GEMIN4: variants seen among roughly 807,000 people sequenced by gnomAD.
GEMIN4 encodes gem nuclear organelle associated protein 4.
Under a neutral mutation model 76.8 loss-of-function variants are expected in GEMIN4, and 59 were observed. That is an observed-to-expected ratio of 0.77 (90% CI 0.62 to 0.95). GEMIN4 has a LOEUF of 0.95. Among genes scored for constraint, GEMIN4 ranks in the 40% least tolerant of loss-of-function variants. The pLI is 0.00. For synonymous variants in GEMIN4, 562 were observed against 559.7 expected, an observed-to-expected ratio of 1.00 and a Z score of -0.06; for missense variants, 1,311 against 1,318.9, an observed-to-expected ratio of 0.99 and a Z score of 0.09.
upstream of GEMIN4, chr17:754,134 A>G (rs1904886966): frequency 6.6e-6 from 1 of 152,270 alleles, no homozygotes; most frequent in Admixed American, 6.5e-5. Flanking sequence ...TTCTGTACTT[A>G]ACCCTGGTTT....
At position 745,085 on chromosome 17, in the gene GEMIN4, A is replaced by G; in HGVS notation, c.2958T>C (p.Ala986=). 1 of 1,613,392 alleles carries G rather than the reference A, an allele frequency of 6.2e-7. No homozygotes were observed. The highest frequency in any genetic ancestry group is 8.5e-7 in the Non-Finnish European group (1 of 1,179,698). Residue 986 remains alanine (A), a synonymous_variant, in exon 2 of 2, where the codon GCT becomes GCC. Transcript: ENST00000319004. This position sits in a 1 kb window ranked among gnomAD's most constrained non-coding sequence, Gnocchi z 4.6. ...LFVYTQVFCH[A]LHIMAMLHPE... ...GGTGGAGCATGGCCATGATGTGCAG[A>G]GCATGGCAGAACACCTGGGTGTAAA...
Position 749,801 on chromosome 17 carries a change from T to C in GEMIN4, c.11-1769A>G, listed in dbSNP as rs114975855. 2.0e-3 allele frequency: 2,015 copies of C among 994,226 alleles called. 35 individuals are homozygous for C. In the African/African-American group the frequency reaches 0.032, roughly 16 times the overall value. 61.6% of individuals were successfully genotyped at this position (994,226 alleles called of 1,614,324 possible). On this transcript the variant is annotated intron_variant, in intron 1 of 1. Transcript: ENST00000319004. Reference sequence around the variant, plus strand: ...AATCAGACAAGCCCTGCCTTCACTCTTTATAAACTTGCCTTGGGAACAGGC... The same window carrying C: ...AATCAGACAAGCCCTGCCTTCACTCCTTATAAACTTGCCTTGGGAACAGGC...
At chr17:752,820 T>TAGTA (rs1171474398), upstream of GEMIN4, 1 of 161,132 alleles carries the variant, frequency 6.2e-6, no homozygotes, top group African/African-American at 2.4e-5. Flanking sequence ...TGAGATCGAG[T>TAGTA]AGTAACAGCC....
In GEMIN4 at chr17:745,532, C is replaced by T. The variant is rs1355808483; in HGVS notation, c.2511G>A (p.Val837=). 1.9e-6 allele frequency: 3 copies of T among 1,612,490 alleles called. No homozygotes were observed. Among genetic ancestry groups the T allele is most frequent in the East Asian group, 2.2e-5 (1 of 44,874 alleles). The change falls in exon 2 of 2, where the codon GTG becomes GTA. Residue 837 remains valine (V), a synonymous_variant. Coordinates refer to ENST00000319004, the MANE Select transcript of GEMIN4 (RefSeq NM_015721.3). The surrounding 1 kb of genome is among the most constrained non-coding windows in gnomAD (Gnocchi z 4.6). ...GISERMLSLL[V]VDVGNPEEVR... Reference sequence around the variant, plus strand: ...CCTCCTCAGGATTGCCCACGTCCACCACCAAGAGAGACAGCATCCTCTCCG... The same window carrying T: ...CCTCCTCAGGATTGCCCACGTCCACTACCAAGAGAGACAGCATCCTCTCCG...
In GEMIN4 at chr17:747,528, C is replaced by A. The variant is rs1002504650; in HGVS notation, c.515G>T (p.Gly172Val). The A allele has an allele frequency of 6.2e-7, 1 of 1,613,782 alleles. No homozygotes were observed. The highest frequency in any genetic ancestry group is 8.5e-7 in the Non-Finnish European group (1 of 1,179,876). The change falls in exon 2 of 2, where the codon GGT becomes GTT. Residue 172 changes from glycine to valine, a missense_variant. By Grantham distance (109) the Gly-to-Val change is moderately radical (BLOSUM62 -3). This residue lies in a region of GEMIN4 where 1,208 missense variants were observed against 1,166.9 expected (regional missense o/e 1.04). Coordinates refer to ENST00000319004, the MANE Select transcript of GEMIN4 (RefSeq NM_015721.3). ...DVWWEVMKHKGHPQDPLLSQF... is the reference protein window; with the variant it reads ...DVWWEVMKHKVHPQDPLLSQF... ...GGAGAGCAGGGGGTCCTGCGGGTGA[C>A]CCTTGTGCTTCATCACCTCCCACCA...
In GEMIN4 at chr17:745,808, C is replaced by G. The variant is rs1974377257; in HGVS notation, c.2235G>C (p.Glu745Asp). 1 of 1,612,928 alleles carries G rather than the reference C, an allele frequency of 6.2e-7. No individual in the cohort carries two copies. Among genetic ancestry groups the G allele is most frequent in the Admixed American group, 1.7e-5 (1 of 59,922 alleles). The change falls in exon 2 of 2, where the codon GAG (glutamate) becomes GAC (aspartate). Residue 745 changes from glutamate to aspartate, a missense_variant. Coordinates refer to ENST00000319004, the MANE Select transcript of GEMIN4 (RefSeq NM_015721.3). The surrounding 1 kb of genome is among the most constrained non-coding windows in gnomAD (Gnocchi z 4.6). ...TGATCCAGACATCCGGGGAGAAGGTCTCAGCATTGGCTGATACAATCTCAC... is the reference window on the plus strand; with the variant it reads ...TGATCCAGACATCCGGGGAGAAGGTGTCAGCATTGGCTGATACAATCTCAC... ...LLCEIVSANA[E>D]TFSPDVWIKS...
At chr17:752,391 T>C, upstream of GEMIN4, 2 of 839,240 alleles carry the variant, frequency 2.4e-6, no homozygotes, top group Non-Finnish European at 3.2e-6. Context: ...TACCCGGACG[T>C]CGCTCACTAG....
Position 748,543 on chromosome 17 carries a change from G to A in GEMIN4, c.11-511C>T, listed in dbSNP as rs143541599. The stretch of plus-strand genomic sequence containing the variant: ...AAGGCTGGGCCAGCAGAGGATGTGG[G>A]GAGAGGGGTTTAGAAATAGGAGGAC... On this transcript the variant is annotated intron_variant, in intron 1 of 1. Coordinates refer to ENST00000319004, the MANE Select transcript of GEMIN4 (RefSeq NM_015721.3). The A allele has an allele frequency of 6.3e-3, 1,147 of 180,796 alleles. 10 individuals are homozygous for A. The highest frequency in any genetic ancestry group is 0.013 in the Middle Eastern group (5 of 380). 11.2% of individuals were successfully genotyped at this position (180,796 alleles called of 1,614,324 possible).
At chr17:752,042 C>G (rs1904742240) in intron 1 of GEMIN4, 91 bp downstream of exon 1, 1 of 902,290 alleles carries the variant, frequency 1.1e-6, no homozygotes, top group South Asian at 5.6e-5. Flanking sequence ...CCCGCGCGAG[C>G]GTGCGCGACA....
Position 746,943 on chromosome 17 carries a change from C to T in GEMIN4, c.1100G>A (p.Ser367Asn), listed in dbSNP as rs758393066. The T allele has an allele frequency of 2.5e-6, 4 of 1,613,612 alleles. No homozygotes were observed. Among genetic ancestry groups the T allele is most frequent in the Non-Finnish European group, 3.4e-6 (4 of 1,179,846 alleles). ...CACCTGCCTGTCCTCCTTGGACAGG[C>T]TGGTGCGGTTCAGGTAGAGCGTCGC... ...QNATLYLNRT[S>N]LSKEDRQVVS... Residue 367 changes from serine (S) to asparagine (N), a missense_variant, in exon 2 of 2, where the codon AGC (serine) becomes AAC (asparagine). This residue lies in a region of GEMIN4 where 1,208 missense variants were observed against 1,166.9 expected (regional missense o/e 1.04). Coordinates refer to ENST00000319004, the MANE Select transcript of GEMIN4 (RefSeq NM_015721.3). The surrounding 1 kb of genome is among the most constrained non-coding windows in gnomAD (Gnocchi z 4.3).
rs1318519829 is a variant in GEMIN4, at chr17:746,017, G to A, written c.2026C>T (p.Gln676Ter). ...CGGCACGCGTTTGCCTCTAGAGTCT[G>A]GATGAAGATCCTCAGACTGAGGTCT... ...EVDLSLRIFI[Q>*]TLEANACREE... The change falls in exon 2 of 2, where the codon CAG becomes TAG. Residue 676 changes from glutamine (Q) to a stop codon, truncating the protein, a stop_gained. Transcript: ENST00000319004. LOFTEE classifies it high-confidence loss of function. The surrounding 1 kb of genome is among the most constrained non-coding windows in gnomAD (Gnocchi z 4.3). The A allele has an allele frequency of 1.2e-6, 2 of 1,613,780 alleles. No homozygotes were observed. Among genetic ancestry groups the A allele is most frequent in the South Asian group, 2.2e-5 (2 of 91,078 alleles).
Position 745,087 on chromosome 17 carries a change from C to G in GEMIN4, c.2956G>C (p.Ala986Pro), listed in dbSNP as rs368556925. ...LFVYTQVFCH[A>P]LHIMAMLHPE... ...TGGAGCATGGCCATGATGTGCAGAG[C>G]ATGGCAGAACACCTGGGTGTAAACA... is the stretch of plus-strand genomic sequence containing the variant. The change falls in exon 2 of 2, where the codon GCT becomes CCT. Residue 986 changes from alanine (A) to proline (P), a missense_variant. Ala to Pro is a conservative substitution (Grantham distance 27). This residue lies in a region of GEMIN4 where 1,208 missense variants were observed against 1,166.9 expected (regional missense o/e 1.04). Coordinates refer to ENST00000319004, the MANE Select transcript of GEMIN4 (RefSeq NM_015721.3). The surrounding 1 kb of genome is among the most constrained non-coding windows in gnomAD (Gnocchi z 4.6). The G allele has an allele frequency of 7.6e-5, 122 of 1,613,054 alleles. No homozygotes were observed. Among genetic ancestry groups the G allele is most frequent in the Admixed American group, 1.8e-4 (11 of 59,854 alleles).
At position 745,333 on chromosome 17, in the gene GEMIN4, G is replaced by A. The variant is rs774075432; in HGVS notation, c.2710C>T (p.Pro904Ser). The A allele has an allele frequency of 1.2e-6, 2 of 1,612,896 alleles. No homozygotes were observed. The highest frequency in any genetic ancestry group is 2.7e-5 in the African/African-American group (2 of 75,026). The change falls in exon 2 of 2, where the codon CCC (proline) becomes TCC (serine). Residue 904 changes from proline (P) to serine (S), a missense_variant. Pro to Ser is a moderately conservative substitution (Grantham distance 74, BLOSUM62 -1). Around this residue, in one of 2 missense-constraint regions of GEMIN4, gnomAD observed 1,208 missense variants for 1,166.9 expected, o/e 1.04. Transcript: ENST00000319004. This position sits in a 1 kb window ranked among gnomAD's most constrained non-coding sequence, Gnocchi z 4.6. ...GAGAGTTGCAACTCCTGGGCAAAGGGCTTCAGGTTGAGCAGGGGAACAAAC... is the reference window on the plus strand; with the variant it reads ...GAGAGTTGCAACTCCTGGGCAAAGGACTTCAGGTTGAGCAGGGGAACAAAC... ...IQFVPLLNLK[P>S]FAQELQLSVL...
rs1327180574 is a variant in GEMIN4 at position 744,623 on chromosome 17, T to A, written c.*243A>T. 2 of 433,546 alleles carry A rather than the reference T, an allele frequency of 4.6e-6. No individual in the cohort carries two copies. The highest frequency in any genetic ancestry group is 4.0e-5 in the African/African-American group (2 of 50,262). The allele number at this position is 433,546 out of a possible 1,614,324, so 26.9% of individuals were successfully genotyped here. A position where few individuals can be genotyped will look rare whatever the true frequency, so the allele number is the denominator to read the frequency against. On this transcript the variant is annotated 3_prime_UTR_variant, in exon 2 of 2. Coordinates refer to ENST00000319004, the MANE Select transcript of GEMIN4 (RefSeq NM_015721.3). ...CCGACTTAGAAGAGACAAAGTGAGATGCGAAAGAGGAGAATTTTTATGATA... is the reference window on the plus strand; with the variant it reads ...CCGACTTAGAAGAGACAAAGTGAGAAGCGAAAGAGGAGAATTTTTATGATA...
At position 752,242 on chromosome 17, in the gene GEMIN4, C is replaced by T; in HGVS notation, c.-100G>A. 8.1e-7 allele frequency: 1 copy of T among 1,228,468 alleles called. No homozygotes were observed. Among genetic ancestry groups the T allele is most frequent in the South Asian group, 4.1e-5 (1 of 24,214 alleles). 76.1% of individuals were successfully genotyped at this position (1,228,468 alleles called of 1,614,324 possible). On this transcript the variant is annotated 5_prime_UTR_variant, in exon 1 of 2. In the 5' UTR this introduces an upstream ATG that the reference lacks. Transcript: ENST00000319004. ...GGCACGATGGGAGACGCAGGAGCCA[C>T]GGCGGCCGCGCTTAGGCCTGCTCAC...
chr17:752,153 C>T lies in GEMIN4; in HGVS notation c.-11G>A. On this transcript the variant is annotated 5_prime_UTR_variant, in exon 1 of 2. Transcript: ENST00000319004. ...CCCACCTAGGTCCATGGCGGCGACGCCGGCGGCTGCGCGGGGCTAACGCCC... is the reference window on the plus strand; with the variant it reads ...CCCACCTAGGTCCATGGCGGCGACGTCGGCGGCTGCGCGGGGCTAACGCCC... 1 of 1,236,238 alleles carries T rather than the reference C, an allele frequency of 8.1e-7. No individual in the cohort carries two copies. Among genetic ancestry groups the T allele is most frequent in the East Asian group, 3.1e-5 (1 of 31,828 alleles). The allele number at this position is 1,236,238 out of a possible 1,614,324, so 76.6% of individuals were successfully genotyped here. A position where few individuals can be genotyped will look rare whatever the true frequency, so the allele number is the denominator to read the frequency against.
At position 747,445 on chromosome 17, in the gene GEMIN4, G is replaced by C. The variant is rs759230765; in HGVS notation, c.598C>G (p.Pro200Ala). 2.6e-5 allele frequency: 42 copies of C among 1,613,800 alleles called. No homozygotes were observed. The Admixed American group carries it at 6.8e-4, about 26-fold the overall frequency. The change falls in exon 2 of 2, where the codon CCA becomes GCA. Residue 200 changes from proline (P) to alanine (A), a missense_variant. Transcript: ENST00000319004. ...TCTGGGTCTGACCTAAGCCTCTTTG[G>C]AGGATGGGGGAACTCATCTAAGGCA... ...LPALDEFPHP[P>A]KRLRSDPDAC...
Position 744,834 on chromosome 17 carries a change from CG to C in GEMIN4, c.*31del. ...AGAAGCTGCTGATCTTCTGCAGACC[CG>C]CCATGTTGGGGCCCAGCTCCCCACG... On this transcript the variant is annotated 3_prime_UTR_variant, in exon 2 of 2. Transcript: ENST00000319004. The C allele has an allele frequency of 6.3e-7, 1 of 1,579,616 alleles. No individual in the cohort carries two copies.
At position 747,323 on chromosome 17, in the gene GEMIN4, C is replaced by T. The variant is rs548537593; in HGVS notation, c.720G>A (p.Leu240=). ...ILGPGRKCCA[L]ANLADMLTVF... is the part of the protein sequence containing the mutation. Reference sequence around the variant, plus strand: ...CAGTCAGCATGTCAGCCAGGTTGGCCAGCGCACAGCACTTCCTCCCCGGGC... The same window carrying T: ...CAGTCAGCATGTCAGCCAGGTTGGCTAGCGCACAGCACTTCCTCCCCGGGC... The change falls in exon 2 of 2, where the codon CTG becomes CTA. Residue 240 remains leucine, a synonymous_variant. Coordinates refer to ENST00000319004, the MANE Select transcript of GEMIN4 (RefSeq NM_015721.3). 1 of 1,613,768 alleles carries T rather than the reference C, an allele frequency of 6.2e-7. No homozygotes were observed. Among genetic ancestry groups the T allele is most frequent in the South Asian group, 1.1e-5 (1 of 91,088 alleles).
Sources: gnomAD v4.1 joint callset for allele counts on GRCh38, gnomAD v4.1.1 for gene constraint, gnomAD v4.1.1 regional missense constraint, Gnocchi (gnomAD v3.1) non-coding constraint, MANE v1.5 for transcripts, NCBI Gene and HGNC (gene_info 2026-07-23, HGNC 2026-07-21) for gene names.